Variants in ARHGAP26 observed in about 807,000 individuals in gnomAD.
ARHGAP26 encodes Rho GTPase activating protein 26.
ARHGAP26 carries 38 observed loss-of-function variants against 104.8 expected under a neutral mutation model. The ratio of observed to expected loss-of-function variants is 0.36; its 90% confidence interval spans 0.28 to 0.48. ARHGAP26 has a LOEUF of 0.48. Ranked by LOEUF, ARHGAP26 falls within the 20% of genes least tolerant of loss-of-function variation. The pLI is 0.99. For missense variants in ARHGAP26, 704 were observed against 947.9 expected (o/e 0.74, Z 3.38); for synonymous variants, 341 against 340.0 (o/e 1.00, Z -0.03).
intron 11 of ARHGAP26, among the ~76,000 whole-genome samples, chr5:142,960,474 G>C (rs1212701394): frequency 4.6e-5 from 7 of 152,216 alleles, no homozygotes; most frequent in African/African-American, 7.2e-5. Flanking sequence ...CCCAGAGCGT[G>C]AATCATCCCT....
intron 10 of ARHGAP26, among the ~76,000 whole-genome samples, chr5:142,930,732 T>C (rs1764595820): frequency 6.6e-6 from 1 of 152,120 alleles, no homozygotes; most frequent in South Asian, 2.1e-4. Flanking sequence ...CCTTGTATCC[T>C]CAACCTGTCT....
intron 12 of ARHGAP26, among the ~76,000 whole-genome samples, chr5:143,015,384 A>G (rs1361341348): frequency 6.6e-6 from 1 of 152,188 alleles, no homozygotes; most frequent in African/African-American, 2.4e-5. Flanking sequence ...TTGAGAATAG[A>G]TGAGTTCTGG....
At chr5:143,106,466 CTTTTTTTTT>C (rs70991793) in intron 17 of ARHGAP26, among the ~76,000 whole-genome samples, 1 of 77,290 alleles carries the variant, frequency 1.3e-5, no homozygotes, top group Non-Finnish European at 2.2e-5. Flanking sequence ...ATGCATTGGG[CTTTTTTTTT>C]TTTTTTTTTT....
intron 11 of ARHGAP26, among the ~76,000 whole-genome samples, chr5:142,974,492 A>G (rs1396029308): frequency 2.0e-5 from 3 of 152,204 alleles, no homozygotes; most frequent in Admixed American, 6.5e-5. Context: ...TCATATACAA[A>G]TATTGCTTAA....
chr5:142,982,350 G>A (rs1179462010), intron 11 of ARHGAP26, among the ~76,000 whole-genome samples: 1 of 152,256 alleles, frequency 6.6e-6, no homozygotes, highest in Non-Finnish European at 1.5e-5. Context: ...TCAGCTGTAT[G>A]AATCCCAGTA....
Position 143,228,664 on chromosome 5 carries a change from T to C in ARHGAP26, c.*6218T>C, listed in dbSNP as rs1811844596. 4.8e-6 allele frequency: 1 copy of C among 208,500 alleles called. No individual in the cohort carries two copies. Among genetic ancestry groups the C allele is most frequent in the Non-Finnish European group, 9.8e-6 (1 of 102,204 alleles). The allele number at this position is 208,500 out of a possible 1,614,324, so 12.9% of individuals were successfully genotyped here. On this transcript the variant is annotated 3_prime_UTR_variant, in exon 23 of 23. Transcript: ENST00000645722. ...CTGTAAAGTGCTGTGTGATATAATA[T>C]CAATAAAGTACTTATTAAATGGCAC...
At chr5:142,851,396 C>T (rs968799041) in intron 1 of ARHGAP26, among the ~76,000 whole-genome samples, 4 of 152,096 alleles carry the variant, frequency 2.6e-5, no homozygotes, top group African/African-American at 4.8e-5. Context: ...TGCGCCCAGC[C>T]GGAAAATACA....
At chr5:143,045,377 C>T (rs73796531) in intron 14 of ARHGAP26, among the ~76,000 whole-genome samples, 2,261 of 152,274 alleles carry the variant, frequency 0.015, 44 homozygotes, top group African/African-American at 0.041. Flanking sequence ...ATTCTCCCTA[C>T]GAGTTAAATA....
At chr5:142,944,398 C>T (rs1409306404) in intron 11 of ARHGAP26, among the ~76,000 whole-genome samples, 2 of 152,144 alleles carry the variant, frequency 1.3e-5, no homozygotes, top group Non-Finnish European at 2.9e-5. Context: ...GGATACATAT[C>T]AAGTGGAATT....
chr5:143,107,348 CTG>C (rs1337936712), intron 17 of ARHGAP26, among the ~76,000 whole-genome samples: 1 of 152,208 alleles, frequency 6.6e-6, no homozygotes, highest in African/African-American at 2.4e-5. Flanking sequence ...GGTTTCATCT[CTG>C]TAGATTTATA....
intron 22 of ARHGAP26, among the ~76,000 whole-genome samples, chr5:143,217,126 TG>T (rs1190085342): frequency 6.6e-6 from 1 of 152,122 alleles, no homozygotes; most frequent in Admixed American, 6.5e-5. Flanking sequence ...CACGTGTGTG[TG>T]TGTATGTGTG....
At chr5:142,820,154 A>T (rs967950849) in intron 1 of ARHGAP26, among the ~76,000 whole-genome samples, 3 of 152,238 alleles carry the variant, frequency 2.0e-5, no homozygotes, top group Non-Finnish European at 4.4e-5. Context: ...ACATGCATTT[A>T]GATGAGGAGT....
chr5:142,795,040 T>A (rs1597652860), intron 1 of ARHGAP26, among the ~76,000 whole-genome samples: 2 of 110,766 alleles, frequency 1.8e-5, no homozygotes, highest in African/African-American at 9.0e-5. Flanking sequence ...CTGTCATATC[T>A]TCTTCTTCTT....
At chr5:142,813,525 A>G (rs1200895077) in intron 1 of ARHGAP26, among the ~76,000 whole-genome samples, 1 of 152,228 alleles carries the variant, frequency 6.6e-6, no homozygotes, top group Non-Finnish European at 1.5e-5. Flanking sequence ...GGTCCCACAG[A>G]CAGGGCAGTT....
At chr5:143,194,574 GA>G (rs879314745) in intron 20 of ARHGAP26, among the ~76,000 whole-genome samples, 76 of 143,784 alleles carry the variant, frequency 5.3e-4, no homozygotes, top group South Asian at 6.6e-4. Context: ...CTCAGATTTG[GA>G]AAAAAAAAAA....
At chr5:142,884,142 C>T (rs1046189347) in intron 4 of ARHGAP26, among the ~76,000 whole-genome samples, 5 of 152,324 alleles carry the variant, frequency 3.3e-5, no homozygotes, top group South Asian at 2.1e-4. Flanking sequence ...CAAGTGCCAA[C>T]CTTCTTCCAG....
At chr5:143,036,805 C>T (rs547290932) in intron 12 of ARHGAP26, among the ~76,000 whole-genome samples, 7 of 152,274 alleles carry the variant, frequency 4.6e-5, no homozygotes, top group South Asian at 2.1e-4. Flanking sequence ...ATTTATAGAC[C>T]ACTTAATTTG....
Position 143,222,462 on chromosome 5 carries a change from G to C in ARHGAP26, c.*16G>C, listed in dbSNP as rs1352053335. 1 of 1,576,348 alleles carries C rather than the reference G, an allele frequency of 6.3e-7. No homozygotes were observed. On this transcript the variant is annotated 3_prime_UTR_variant, in exon 23 of 23. Transcript: ENST00000645722. ...GTTCCTCTAACCGTGGGCCCCAGCA[G>C]AACTGCTGAGCTTTACATGGTATCC...
intron 11 of ARHGAP26, among the ~76,000 whole-genome samples, chr5:142,970,201 T>A (rs907937593): frequency 6.6e-6 from 1 of 152,192 alleles, no homozygotes; most frequent in Admixed American, 6.5e-5. Flanking sequence ...CCAGGCCTTC[T>A]GCTAGATTAC....
Sources: allele counts gnomAD v4.1 joint callset (sites outside exome capture counted in the v4.1 genomes callset), GRCh38; gene constraint gnomAD v4.1.1; transcripts MANE v1.5; gene names NCBI Gene and HGNC (gene_info 2026-07-23, HGNC 2026-07-21).